The following VSTM2A variants were observed in gnomAD, a reference collection of about 807,000 sequenced individuals.
VSTM2A encodes the protein V-set and transmembrane domain containing 2A.
Under a neutral mutation model 27.3 loss-of-function variants are expected in VSTM2A, and 13 were observed. The observed-to-expected ratio is 0.48, with a 90% CI of 0.31 to 0.76. VSTM2A has a LOEUF of 0.76. Ranked by LOEUF, VSTM2A falls within the 30% of genes least tolerant of loss-of-function variation. The pLI is 0.05. For missense variants in VSTM2A, 280 were observed against 310.0 expected (o/e 0.90, Z 0.73); for synonymous variants, 142 against 125.7 (o/e 1.13, Z -0.87).
chr7:54,550,432 G>A, intron 4 of VSTM2A: 2 of 836,728 alleles, frequency 2.4e-6, no homozygotes, highest in Non-Finnish European at 1.7e-6. Context: ...TATCCTTTCT[G>A]TATTTACACA....
In VSTM2A at chr7:54,546,970, C is replaced by T. The variant is rs1788018456; in HGVS notation, c.270C>T (p.Asp90=). ...AGGTGGAGCTCTTGCCCGACAGAGACCCGGACAGCGACGGGACCAAGATCA... is the reference window on the plus strand; with the variant it reads ...AGGTGGAGCTCTTGCCCGACAGAGATCCGGACAGCGACGGGACCAAGATCA... ...GAQVELLPDR[D]PDSDGTKIST... is the part of the protein sequence containing the mutation. The change falls in exon 3 of 5, where the codon GAC becomes GAT. Residue 90 remains aspartate (D), a synonymous_variant. Transcript: ENST00000402613. 1.3e-6 allele frequency: 2 copies of T among 1,595,426 alleles called. No individual in the cohort carries two copies. Among genetic ancestry groups the T allele is most frequent in the East Asian group, 2.4e-5 (1 of 42,552 alleles).
intron 4 of VSTM2A, chr7:54,551,131 C>T (rs1399069806): frequency 2.6e-5 from 3 of 115,422 alleles, no homozygotes; most frequent in Admixed American, 9.9e-5. Context: ...CATCTCATAT[C>T]GTCCTGAATA....
intron 3 of VSTM2A, among the ~76,000 whole-genome samples, chr7:54,549,114 T>C (rs1021909301): frequency 6.6e-6 from 1 of 151,854 alleles, no homozygotes; most frequent in South Asian, 2.1e-4. Context: ...AAGAAATAAA[T>C]AAGCCAATTT....
intron 4 of VSTM2A, among the ~76,000 whole-genome samples, chr7:54,554,742 C>T (rs774947538): frequency 4.0e-4 from 61 of 152,300 alleles, no homozygotes; most frequent in Non-Finnish European, 8.2e-4. Context: ...CCTTGGTGTG[C>T]GAGCCTGGAA....
chr7:54,559,901 A>G (rs1358810405), intron 4 of VSTM2A: 54 of 152,274 alleles, frequency 3.5e-4, no homozygotes, highest in Admixed American at 3.5e-3. Flanking sequence ...TATAGCATAC[A>G]GAACTTTAAA....
chr7:54,547,077 C>A (rs893912980), intron 3 of VSTM2A, 80 bp downstream of exon 3: 3 of 1,472,516 alleles, frequency 2.0e-6, no homozygotes, highest in African/African-American at 2.9e-5. Flanking sequence ...AGGCGGCTTG[C>A]CAGCGCTGCA....
chr7:54,553,793 C>T (rs369982437), intron 4 of VSTM2A: 30 of 1,534,552 alleles, frequency 2.0e-5, no homozygotes, highest in Non-Finnish European at 1.5e-5. Flanking sequence ...CAGGACTCAA[C>T]GCCCCTCCAC....
At chr7:54,551,381 G>A (rs1788187095) in intron 4 of VSTM2A, 1 of 152,066 alleles carries the variant, frequency 6.6e-6, no homozygotes, top group Non-Finnish European at 1.5e-5. Flanking sequence ...TAGGGCACTT[G>A]GATTAGGGTT....
chr7:54,546,795 G>A, intron 2 of VSTM2A, 152 bp from the exon 3 acceptor site: 1 of 818,168 alleles, frequency 1.2e-6, no homozygotes, highest in South Asian at 1.8e-5. Context: ...GGTGCGGTCT[G>A]GGCCTGGACA....
At chr7:54,552,949 A>T (rs1788238318) in intron 4 of VSTM2A, among the ~76,000 whole-genome samples, 1 of 152,204 alleles carries the variant, frequency 6.6e-6, no homozygotes, top group South Asian at 2.1e-4. Flanking sequence ...TCACCTCTTA[A>T]TTGATACTAT....
rs17855529 is a variant in VSTM2A at position 54,546,950 on chromosome 7, G to A, written c.250G>A (p.Glu84Lys). 6.3e-7 allele frequency: 1 copy of A among 1,597,958 alleles called. No individual in the cohort carries two copies. Among genetic ancestry groups the A allele is most frequent in the Non-Finnish European group, 8.5e-7 (1 of 1,174,366 alleles). Residue 84 changes from glutamate to lysine, a missense_variant, in exon 3 of 5, where the codon GAG (glutamate) becomes AAG (lysine). Physicochemically the swap from Glu to Lys is moderately conservative, Grantham distance 56. Coordinates refer to ENST00000402613, the MANE Select transcript of VSTM2A (RefSeq NM_001301009.2). ...PGAEGAGAQV[E>K]LLPDRDPDSD... ...AGCGTTCGCTCCTTGCCCGCAGGTGGAGCTCTTGCCCGACAGAGACCCGGA... is the reference window on the plus strand; with the variant it reads ...AGCGTTCGCTCCTTGCCCGCAGGTGAAGCTCTTGCCCGACAGAGACCCGGA...
chr7:54,542,539 C>T lies in VSTM2A; in HGVS notation c.-192C>T. 2 of 588,566 alleles carry T rather than the reference C, an allele frequency of 3.4e-6. No homozygotes were observed. The highest frequency in any genetic ancestry group is 6.0e-6 in the Non-Finnish European group (2 of 332,458). 36.5% of individuals were successfully genotyped at this position (588,566 alleles called of 1,614,324 possible). A position where few individuals can be genotyped will look rare whatever the true frequency, so the allele number is the denominator to read the frequency against. On this transcript the variant is annotated 5_prime_UTR_variant, in exon 1 of 5. Coordinates refer to ENST00000402613, the MANE Select transcript of VSTM2A (RefSeq NM_001301009.2). Reference sequence around the variant, plus strand: ...CTCCGCAGGAAGCCTCGCTGAATCCCAGCCAGCTGGTTCTAACCTTCCAGA... The same window carrying T: ...CTCCGCAGGAAGCCTCGCTGAATCCTAGCCAGCTGGTTCTAACCTTCCAGA...
intron 4 of VSTM2A, among the ~76,000 whole-genome samples, chr7:54,555,932 A>G (rs1788341369): frequency 6.6e-6 from 1 of 152,168 alleles, no homozygotes. Context: ...CCAGAACTCC[A>G]CCCAGTGCCT....
intron 4 of VSTM2A, among the ~76,000 whole-genome samples, chr7:54,565,644 G>A (rs1788697455): frequency 6.6e-6 from 1 of 152,264 alleles, no homozygotes; most frequent in African/African-American, 2.4e-5. Flanking sequence ...TCCAGGCAGT[G>A]GCCCTGTCTG....
chr7:54,566,666 C>A (rs146213359), intron 4 of VSTM2A, among the ~76,000 whole-genome samples: 1 of 152,132 alleles, frequency 6.6e-6, no homozygotes, highest in Non-Finnish European at 1.5e-5. Context: ...CAATGCAATA[C>A]CTGGCATACT....
rs546336376 is a variant in VSTM2A, at chr7:54,549,889, G to A, written c.353G>A (p.Arg118Lys). ...ISHKLQISKVRKKDEGLYECR... is the reference protein window; with the variant it reads ...ISHKLQISKVKKKDEGLYECR... ...CACAAGCTTCAGATTTCCAAAGTGA[G>A]GAAAAAGGATGAAGGCTTATATGAG... is the stretch of plus-strand genomic sequence containing the variant. Residue 118 changes from arginine (R) to lysine (K), a missense_variant, in exon 4 of 5, where the codon AGG becomes AAG. Coordinates refer to ENST00000402613, the MANE Select transcript of VSTM2A (RefSeq NM_001301009.2). 11 of 1,612,676 alleles carry A rather than the reference G, an allele frequency of 6.8e-6. No individual in the cohort carries two copies. Among genetic ancestry groups the A allele is most frequent in the Admixed American group, 5.0e-5 (3 of 59,780 alleles).
At chr7:54,559,131 A>AT (rs1788469253) in intron 4 of VSTM2A, 1 of 152,128 alleles carries the variant, frequency 6.6e-6, no homozygotes, top group African/African-American at 2.4e-5. Flanking sequence ...AGATAAAAGT[A>AT]TAAACTTAGG....
At chr7:54,552,895 CATA>C (rs1788237079) in intron 4 of VSTM2A, among the ~76,000 whole-genome samples, 1 of 152,234 alleles carries the variant, frequency 6.6e-6, no homozygotes, top group African/African-American at 2.4e-5. Context: ...TTATTTTCAT[CATA>C]ATCTTTGACT....
intron 2 of VSTM2A, chr7:54,546,687 A>C: frequency 2.5e-6 from 1 of 404,728 alleles, no homozygotes; most frequent in Admixed American, 4.6e-5. Context: ...GCGCCGGGAC[A>C]GCGCCGGGAC....
Sources: allele counts gnomAD v4.1 joint callset (sites outside exome capture counted in the v4.1 genomes callset), GRCh38; gene constraint gnomAD v4.1.1; transcripts MANE v1.5; gene names NCBI Gene and HGNC (gene_info 2026-07-23, HGNC 2026-07-21).